The following GPC5 variants were observed in gnomAD, a reference collection of about 807,000 sequenced individuals.
The protein encoded by GPC5 is glypican 5.
Under a neutral mutation model 53.9 loss-of-function variants are expected in GPC5, and 47 were observed. That is an observed-to-expected ratio of 0.87 (90% CI 0.69 to 1.11). The LOEUF (loss-of-function observed/expected upper bound fraction) is 1.11, where lower values mean the gene tolerates loss of function less well. GPC5 is among the 50% of genes most tolerant of loss of function. The probability of loss-of-function intolerance (pLI) is 0.00; values close to 1 mark genes in which losing one functional copy is unlikely to be tolerated. For missense variants in GPC5, 748 were observed against 713.1 expected, an observed-to-expected ratio of 1.05 and a Z score of -0.56; for synonymous variants, 286 against 263.3, an observed-to-expected ratio of 1.09 and a Z score of -0.84.
At chr13:92,732,206 CT>C (rs1888827786) in intron 7 of GPC5, among the ~76,000 whole-genome samples, 1 of 151,452 alleles carries the variant, frequency 6.6e-6, no homozygotes. Flanking sequence ...ACAACTAAAG[CT>C]GTAAATTAAG....
chr13:92,098,463 G>A (rs1031422427), intron 6 of GPC5, among the ~76,000 whole-genome samples: 4 of 152,152 alleles, frequency 2.6e-5, no homozygotes, highest in Non-Finnish European at 5.9e-5. Context: ...TGTACTTTGA[G>A]TTGATGCTGC....
chr13:91,977,940 C>A (rs537877605), intron 6 of GPC5, among the ~76,000 whole-genome samples: 7 of 136,930 alleles, frequency 5.1e-5, no homozygotes, highest in African/African-American at 2.1e-4. Flanking sequence ...AACGAGACCG[C>A]CATCTCTAAA....
intron 7 of GPC5, among the ~76,000 whole-genome samples, chr13:92,742,573 C>T (rs1252632442): frequency 1.3e-5 from 2 of 149,920 alleles, no homozygotes; most frequent in African/African-American, 4.9e-5. Context: ...TGTGCAGAAG[C>T]TCTTTAGTTT....
intron 7 of GPC5, among the ~76,000 whole-genome samples, chr13:92,348,070 G>T: frequency 8.9e-6 from 1 of 112,694 alleles, no homozygotes; most frequent in Non-Finnish European, 2.0e-5. Context: ...CAGAAACAAA[G>T]TATCTACAAA....
intron 2 of GPC5, among the ~76,000 whole-genome samples, chr13:91,481,895 C>A (rs963428852): frequency 2.0e-5 from 3 of 152,122 alleles, no homozygotes; most frequent in African/African-American, 7.2e-5. Context: ...ATATATCATC[C>A]AGGAATGAGT....
chr13:91,999,800 T>C (rs2040538360), intron 6 of GPC5, among the ~76,000 whole-genome samples: 1 of 152,216 alleles, frequency 6.6e-6, no homozygotes, highest in African/African-American at 2.4e-5. Flanking sequence ...AAAATGTAGA[T>C]GTAACTCCTG....
Position 92,020,446 on chromosome 13 carries a change from A to T in GPC5, c.1401+112389A>T, listed in dbSNP as rs555031210. 2.0e-5 allele frequency among the ~76,000 whole-genome samples: 3 copies of T among 152,202 alleles called. No individual in the cohort carries two copies. In the South Asian group the frequency reaches 6.2e-4, roughly 32 times the overall value. ...ATTTACATTCTCACCAACAGTGTGC[A>T]ACAGTTTCAGGCTTTCTACCTCCTC... On this transcript the variant is annotated intron_variant, in intron 6 of 7. Coordinates refer to ENST00000377067, the MANE Select transcript of GPC5 (RefSeq NM_004466.6).
intron 7 of GPC5, among the ~76,000 whole-genome samples, chr13:92,572,563 G>A (rs1309651822): frequency 4.6e-5 from 7 of 152,032 alleles, no homozygotes; most frequent in Admixed American, 4.6e-4. Flanking sequence ...GCAAAAAAGG[G>A]GGTTTCTTTT....
Position 92,309,648 on chromosome 13 carries a change from A to G in GPC5, c.1561+164659A>G, listed in dbSNP as rs978848387. On this transcript the variant is annotated intron_variant, in intron 7 of 7. Coordinates refer to ENST00000377067, the MANE Select transcript of GPC5 (RefSeq NM_004466.6). ...TTTGCCTATTTTAAATACATAAAAC[A>G]TGATTTTTAATTTGTGCATACATTG... Among the ~76,000 whole-genome samples, 11 of 152,232 alleles carry G rather than the reference A, an allele frequency of 7.2e-5. No homozygotes were observed. The East Asian group carries it at 7.7e-4, about 11-fold the overall frequency.
chr13:92,784,054 C>A (rs1000866148), intron 7 of GPC5, among the ~76,000 whole-genome samples: 3 of 152,056 alleles, frequency 2.0e-5, no homozygotes, highest in African/African-American at 7.2e-5. Flanking sequence ...TAATTAAACT[C>A]CTCTTACCTA....
At chr13:91,602,359 T>C (rs550617620) in intron 2 of GPC5, among the ~76,000 whole-genome samples, 1 of 152,356 alleles carries the variant, frequency 6.6e-6, no homozygotes, top group South Asian at 2.1e-4. Context: ...TGCAAGATAA[T>C]AAGCAATTAA....
chr13:92,712,747 G>A (rs576048284), intron 7 of GPC5, among the ~76,000 whole-genome samples: 91 of 152,274 alleles, frequency 6.0e-4, no homozygotes, highest in Non-Finnish European at 8.8e-4. Context: ...CTTAGAGTGT[G>A]GCTGATTTTT....
intron 7 of GPC5, among the ~76,000 whole-genome samples, chr13:92,538,079 T>G (rs1300729161): frequency 1.3e-5 from 2 of 152,110 alleles, no homozygotes; most frequent in Non-Finnish European, 2.9e-5. Context: ...GAACTACAAC[T>G]AAAGTGTTTT....
intron 7 of GPC5, among the ~76,000 whole-genome samples, chr13:92,254,266 C>T (rs550833646): frequency 1.3e-5 from 2 of 152,180 alleles, no homozygotes; most frequent in South Asian, 4.1e-4. Context: ...TTTGTAAGTG[C>T]TGGTGGCACT....
chr13:91,815,531 T>C (rs2038386266), intron 5 of GPC5, among the ~76,000 whole-genome samples: 1 of 152,198 alleles, frequency 6.6e-6, no homozygotes, highest in Non-Finnish European at 1.5e-5. Flanking sequence ...ATAGTCAGTG[T>C]GCTGCTCCCC....
At chr13:92,238,938 G>A (rs996039985) in intron 7 of GPC5, among the ~76,000 whole-genome samples, 2 of 150,974 alleles carry the variant, frequency 1.3e-5, no homozygotes, top group Admixed American at 1.3e-4. Context: ...TATGGTGTGA[G>A]GTAGGGCTCC....
At chr13:92,071,096 C>T (rs1199146717) in intron 6 of GPC5, among the ~76,000 whole-genome samples, 15 of 151,946 alleles carry the variant, frequency 9.9e-5, no homozygotes, top group Non-Finnish European at 4.4e-5. Flanking sequence ...ATTAGCCAGG[C>T]GTGGTGGCAT....
In GPC5 at chr13:92,713,587, G is replaced by A. The variant is rs1185399834; in HGVS notation, c.1562-152695G>A. 5.0e-5 allele frequency among the ~76,000 whole-genome samples: 7 copies of A among 139,832 alleles called. 1 individual carries two copies. The South Asian group carries it at 6.8e-4, about 14-fold the overall frequency. The allele number at this position is 139,832 out of a possible 152,430, so 91.7% of individuals were successfully genotyped here. A position where few individuals can be genotyped will look rare whatever the true frequency, so the allele number is the denominator to read the frequency against. ...CGTGCCAATACACTCCAGCTTGGACGACAGAGCGAGACTCCAATCTCAAAA... is the reference window on the plus strand; with the variant it reads ...CGTGCCAATACACTCCAGCTTGGACAACAGAGCGAGACTCCAATCTCAAAA... On this transcript the variant is annotated intron_variant, in intron 7 of 7. Transcript: ENST00000377067.
chr13:91,562,188 T>TAAAAAAAAAAAAAAAAAAAAAAAAA (rs10603242), intron 2 of GPC5, among the ~76,000 whole-genome samples: 1 of 45,058 alleles, frequency 2.2e-5, no homozygotes, highest in Non-Finnish European at 4.0e-5. Flanking sequence ...GGAGCAACAG[T>TAAAAAAAAAAAAAAAAAAAAAAAAA]AAAAAAAAAA....
Sources: gnomAD v4.1 joint callset for allele counts (sites outside exome capture counted in the v4.1 genomes callset) on GRCh38, gnomAD v4.1.1 for gene constraint, MANE v1.5 for transcripts, NCBI Gene and HGNC (gene_info 2026-07-23, HGNC 2026-07-21) for gene names.